The following C3orf20 variants were observed in gnomAD, a reference collection of about 807,000 sequenced individuals.
C3orf20 encodes uncharacterized protein C3orf20.
C3orf20 carries 76 observed loss-of-function variants against 88.3 expected under a neutral mutation model. The ratio of observed to expected loss-of-function variants is 0.86; its 90% CI spans 0.72 to 1.04. C3orf20 has a LOEUF of 1.04. C3orf20 is among the 50% of genes least tolerant of loss of function. C3orf20 has a pLI of 0.00. For missense variants in C3orf20, 1,056 were observed against 1,123.3 expected, an observed-to-expected ratio of 0.94 and a Z score of 0.86; for synonymous variants, 436 against 437.4, an observed-to-expected ratio of 1.00 and a Z score of 0.04.
At chr3:14,707,273 GT>G (rs1174296573) in intron 7 of C3orf20, among the ~76,000 whole-genome samples, 1 of 127,602 alleles carries the variant, frequency 7.8e-6, no homozygotes, top group Non-Finnish European at 1.7e-5. Context: ...AAAAAGATAC[GT>G]CTGCACTGGG....
At chr3:14,707,121 C>T (rs1023441714) in intron 7 of C3orf20, among the ~76,000 whole-genome samples, 5 of 151,586 alleles carry the variant, frequency 3.3e-5, no homozygotes, top group Admixed American at 6.6e-5. Context: ...TGGTGGCGGG[C>T]GCCTGTAGTC....
rs1158942408 is a variant in C3orf20, at chr3:14,761,460, T to A, written c.2353-13T>A. On this transcript the variant is annotated splice_polypyrimidine_tract_variant and intron_variant, in intron 14 of 16. Coordinates refer to ENST00000253697, the MANE Select transcript of C3orf20 (RefSeq NM_032137.5). ...GTGCTGAGGATCTCTCCTCATTTCC[T>A]TCCTGTCAACAGATGTTTGCCGGGG... is the stretch of plus-strand genomic sequence containing the variant. 7 of 1,614,038 alleles carry A rather than the reference T, an allele frequency of 4.3e-6. No homozygotes were observed. The highest frequency in any genetic ancestry group is 1.7e-4 in the Middle Eastern group (1 of 6,048).
At chr3:14,720,223 G>A (rs13327087) in intron 9 of C3orf20, among the ~76,000 whole-genome samples, 1 of 151,892 alleles carries the variant, frequency 6.6e-6, no homozygotes, top group Non-Finnish European at 1.5e-5. Context: ...GTAGAGACGG[G>A]GTTTCACCGT....
chr3:14,712,465 A>G (rs2033789784), intron 7 of C3orf20, among the ~76,000 whole-genome samples: 1 of 152,206 alleles, frequency 6.6e-6, no homozygotes, highest in Admixed American at 6.5e-5. Context: ...GCCCTAGGAA[A>G]CTAATTTACC....
intron 9 of C3orf20, among the ~76,000 whole-genome samples, chr3:14,718,888 CCTT>C (rs2034039122): frequency 6.6e-6 from 1 of 152,202 alleles, no homozygotes; most frequent in Admixed American, 6.5e-5. Flanking sequence ...TCTGGCCTCT[CCTT>C]CTCTGGTGCT....
chr3:14,702,012 G>A (rs2033284732), intron 5 of C3orf20, among the ~76,000 whole-genome samples: 1 of 152,024 alleles, frequency 6.6e-6, no homozygotes, highest in Non-Finnish European at 1.5e-5. Flanking sequence ...CGTGTCCCCT[G>A]GTAAACACAA....
chr3:14,677,870 C>T (rs1193127645), intron 1 of C3orf20, among the ~76,000 whole-genome samples: 1 of 152,078 alleles, frequency 6.6e-6, no homozygotes, highest in Non-Finnish European at 1.5e-5. Flanking sequence ...TTGGCTAACC[C>T]CTAGCAGCAG....
chr3:14,746,081 C>T (rs777508260), intron 12 of C3orf20, among the ~76,000 whole-genome samples: 1 of 152,132 alleles, frequency 6.6e-6, no homozygotes, highest in Non-Finnish European at 1.5e-5. Flanking sequence ...GGGAATCATA[C>T]TGTCAAAGTC....
chr3:14,715,256 G>T, intron 8 of C3orf20, 33 bp from the exon 9 acceptor site: 1 of 1,601,410 alleles, frequency 6.2e-7, no homozygotes, highest in Non-Finnish European at 8.5e-7. Context: ...TCAGGGGCCC[G>T]GTGGCAGCTA....
chr3:14,734,180 G>A (rs757678712), intron 12 of C3orf20, among the ~76,000 whole-genome samples: 5 of 151,832 alleles, frequency 3.3e-5, no homozygotes, highest in Admixed American at 1.3e-4. Flanking sequence ...CTTCTTATAC[G>A]TTTGTCTTAT....
intron 11 of C3orf20, among the ~76,000 whole-genome samples, chr3:14,727,229 T>A (rs962611208): frequency 2.6e-5 from 4 of 152,140 alleles, no homozygotes; most frequent in African/African-American, 7.2e-5. Flanking sequence ...CAGCTAAGAA[T>A]AGTGACGTGA....
intron 12 of C3orf20, among the ~76,000 whole-genome samples, chr3:14,753,691 A>G (rs1431942563): frequency 2.0e-5 from 3 of 152,190 alleles, no homozygotes; most frequent in African/African-American, 7.2e-5. Flanking sequence ...CCTGGAAATC[A>G]AATTTCACCT....
At chr3:14,739,119 G>A (rs574772271) in intron 12 of C3orf20, among the ~76,000 whole-genome samples, 1 of 152,178 alleles carries the variant, frequency 6.6e-6, no homozygotes, top group Admixed American at 6.5e-5. Flanking sequence ...CATCAAGAAT[G>A]GTAAATCCTT....
chr3:14,678,197 C>G (rs1191452444), intron 1 of C3orf20, among the ~76,000 whole-genome samples: 1 of 152,212 alleles, frequency 6.6e-6, no homozygotes, highest in Non-Finnish European at 1.5e-5. Context: ...CTAACAATTA[C>G]TGAGCATTCA....
At chr3:14,700,262 G>C (rs758791229) in intron 5 of C3orf20, among the ~76,000 whole-genome samples, 2 of 151,178 alleles carry the variant, frequency 1.3e-5, no homozygotes, top group Non-Finnish European at 3.0e-5. Context: ...TTTTTGTGTA[G>C]GTAGTTGTTA....
intron 12 of C3orf20, among the ~76,000 whole-genome samples, chr3:14,734,585 T>C (rs1158521633): frequency 2.0e-5 from 3 of 152,178 alleles, no homozygotes; most frequent in Non-Finnish European, 4.4e-5. Context: ...TGTAATTTGC[T>C]TAGACTTGTT....
At chr3:14,739,056 G>C (rs1220937739) in intron 12 of C3orf20, among the ~76,000 whole-genome samples, 1 of 152,028 alleles carries the variant, frequency 6.6e-6, no homozygotes, top group African/African-American at 2.4e-5. Context: ...CTCCCAAAGT[G>C]CTGGAATTAC....
At chr3:14,720,972 G>A (rs2124973854) in intron 9 of C3orf20, among the ~76,000 whole-genome samples, 1 of 152,326 alleles carries the variant, frequency 6.6e-6, no homozygotes, top group South Asian at 2.1e-4. Context: ...CTCTCAGTAA[G>A]GCGTGAGTTG....
intron 12 of C3orf20, among the ~76,000 whole-genome samples, chr3:14,755,774 A>G (rs1428889489): frequency 6.6e-6 from 1 of 152,170 alleles, no homozygotes; most frequent in Non-Finnish European, 1.5e-5. Flanking sequence ...TCACGCCTGT[A>G]ATCCCAGCAC....
Sources: gnomAD v4.1 joint callset for allele counts (sites outside exome capture counted in the v4.1 genomes callset) on GRCh38, gnomAD v4.1.1 for gene constraint, MANE v1.5 for transcripts, NCBI Gene and HGNC (gene_info 2026-07-23, HGNC 2026-07-21) for gene names.